RBPJ: variants seen among roughly 807,000 people sequenced by gnomAD.
The protein encoded by RBPJ is recombining binding protein suppressor of hairless.
In RBPJ, 9 loss-of-function variants were observed where a neutral mutation model predicts 67.8. That is an observed-to-expected ratio of 0.13 (90% CI 0.08 to 0.23). The LOEUF (loss-of-function observed/expected upper bound fraction) is 0.23, where lower values mean the gene tolerates loss of function less well. Among genes scored for constraint, RBPJ ranks in the 10% least tolerant of loss-of-function variants. The pLI, the probability that RBPJ is intolerant of heterozygous loss-of-function variation, is 1.00. For synonymous variants in RBPJ, 198 were observed against 203.3 expected, an observed-to-expected ratio of 0.97 and a Z score of 0.22; for missense variants, 305 against 595.6, an observed-to-expected ratio of 0.51 and a Z score of 5.08.
chr4:26,193,454 G>A lies in RBPJ; in HGVS notation c.-167+29840G>A, dbSNP rs140742169. On this transcript the variant is annotated intron_variant, in intron 1 of 4. Transcript: ENST00000512351. ...AGTTGACTTTGGTGGTTCTTTTTAT[G>A]AAAATTTCCCCTTTCTTCTTTGTTT... 7.3e-3 allele frequency among the ~76,000 whole-genome samples: 1,115 copies of A among 151,968 alleles called. 27 individuals carry two copies. Among genetic ancestry groups the A allele is most frequent in the Admixed American group, 0.046 (698 of 15,258 alleles).
intron 1 of RBPJ, among the ~76,000 whole-genome samples, chr4:26,322,698 T>C (rs1245143429): frequency 6.6e-6 from 1 of 151,608 alleles, no homozygotes; most frequent in Non-Finnish European, 1.5e-5. Flanking sequence ...TAATAGCCTG[T>C]AGTGAGATTA....
At chr4:26,358,555 A>C (rs1453418539) in intron 1 of RBPJ, among the ~76,000 whole-genome samples, 3 of 148,236 alleles carry the variant, frequency 2.0e-5, no homozygotes, top group African/African-American at 7.6e-5. Flanking sequence ...TAGGAGGATC[A>C]CTTGAGGCCA....
chr4:26,340,281 T>C (rs1273069578), intron 1 of RBPJ, among the ~76,000 whole-genome samples: 1 of 152,164 alleles, frequency 6.6e-6, no homozygotes, highest in Non-Finnish European at 1.5e-5. Context: ...CCTGTGGGTA[T>C]GTGGGAGAAC....
At chr4:26,416,718 C>T (rs1734627871) in intron 4 of RBPJ, among the ~76,000 whole-genome samples, 1 of 152,036 alleles carries the variant, frequency 6.6e-6, no homozygotes, top group Non-Finnish European at 1.5e-5. Flanking sequence ...TTAGTGTTTG[C>T]TATGTTGTAG....
At chr4:26,307,647 C>T (rs942035701) in intron 1 of RBPJ, among the ~76,000 whole-genome samples, 1 of 152,054 alleles carries the variant, frequency 6.6e-6, no homozygotes, top group Non-Finnish European at 1.5e-5. Context: ...TTCTCCCAGA[C>T]GATAGTTTAT....
At chr4:26,393,941 C>G (rs1731818435) in intron 2 of RBPJ, among the ~76,000 whole-genome samples, 1 of 151,716 alleles carries the variant, frequency 6.6e-6, no homozygotes, top group Non-Finnish European at 1.5e-5. Context: ...AGGTAGTGTT[C>G]TAAACATAGT....
intron 3 of RBPJ, among the ~76,000 whole-genome samples, chr4:26,413,784 G>T (rs1365200915): frequency 6.6e-6 from 1 of 152,192 alleles, no homozygotes; most frequent in Non-Finnish European, 1.5e-5. Flanking sequence ...GTGTCTGCTT[G>T]TGTGTGCACA....
chr4:26,278,236 GT>G (rs1250037935), intron 1 of RBPJ, among the ~76,000 whole-genome samples: 2 of 152,060 alleles, frequency 1.3e-5, no homozygotes, highest in Admixed American at 1.3e-4. Context: ...TTTCAAAAAA[GT>G]AAAGTCACGT....
At chr4:26,234,238 T>C (rs1057077705) in intron 1 of RBPJ, among the ~76,000 whole-genome samples, 1 of 152,228 alleles carries the variant, frequency 6.6e-6, no homozygotes, top group African/African-American at 2.4e-5. Flanking sequence ...TTTCCTTCAT[T>C]TCTTGCCTAA....
Position 26,430,031 on chromosome 4 carries a change from T to C in RBPJ, c.1022T>C (p.Val341Ala). ...CCTGTCCTTGCCCCAGTCACTCCTGTGCCTGTGGTAGAGAGCCTTCAGGTG... is the reference window on the plus strand; with the variant it reads ...CCTGTCCTTGCCCCAGTCACTCCTGCGCCTGTGGTAGAGAGCCTTCAGGTG... ...MGPVLAPVTP[V>A]PVVESLQLNG... The change falls in exon 9 of 11, where the codon GTG becomes GCG. Residue 341 changes from valine (V) to alanine (A), a missense_variant. Val to Ala is a moderately conservative substitution (Grantham distance 64, BLOSUM62 0). Transcript: ENST00000355476. This position sits in a 1 kb window ranked among gnomAD's most constrained non-coding sequence, Gnocchi z 4.1. 6.2e-7 allele frequency: 1 copy of C among 1,614,114 alleles called. No individual in the cohort carries two copies. Among genetic ancestry groups the C allele is most frequent in the Non-Finnish European group, 8.5e-7 (1 of 1,179,982 alleles).
chr4:26,131,046 A>T, the RBPJ span, among the ~76,000 whole-genome samples: 1 of 152,346 alleles, frequency 6.6e-6, no homozygotes, highest in South Asian at 2.1e-4. Context: ...TGATTCTCCC[A>T]TCTTTTTCTG....
chr4:26,321,477 C>T (rs1308428880), intron 1 of RBPJ: 2 of 152,192 alleles, frequency 1.3e-5, no homozygotes, highest in African/African-American at 2.4e-5. Context: ...CTCTCTACCC[C>T]CGGCCCTTTG....
chr4:26,304,972 T>A (rs927876867), intron 1 of RBPJ, among the ~76,000 whole-genome samples: 1 of 152,168 alleles, frequency 6.6e-6, no homozygotes, highest in African/African-American at 2.4e-5. Flanking sequence ...GTTTTATAGC[T>A]TTGGTTTTTA....
chr4:26,328,661 C>T (rs10006980), intron 1 of RBPJ, among the ~76,000 whole-genome samples: 95 of 152,242 alleles, frequency 6.2e-4, no homozygotes, highest in African/African-American at 2.2e-3. Flanking sequence ...AGTCTCATTG[C>T]TCTGTTGCTC....
At chr4:26,394,679 T>G (rs1254843625) in intron 2 of RBPJ, among the ~76,000 whole-genome samples, 1 of 152,148 alleles carries the variant, frequency 6.6e-6, no homozygotes, top group African/African-American at 2.4e-5. Context: ...AGGCCTGAGC[T>G]CTGAAGTGCT....
chr4:26,182,296 C>G (rs4692421), intron 1 of RBPJ, among the ~76,000 whole-genome samples: 6,757 of 151,898 alleles, frequency 0.044, 202 homozygotes, highest in Non-Finnish European at 0.069. Context: ...GAGCCGAGAT[C>G]GCGCCACTGC....
intron 1 of RBPJ, among the ~76,000 whole-genome samples, chr4:26,173,899 C>T (rs974100187): frequency 5.3e-5 from 8 of 152,112 alleles, no homozygotes; most frequent in African/African-American, 1.4e-4. Flanking sequence ...TAAGAGACAA[C>T]GTGATAAGCG....
intron 2 of RBPJ, among the ~76,000 whole-genome samples, chr4:26,399,824 G>A (rs1311301524): frequency 6.6e-6 from 1 of 151,930 alleles, no homozygotes; most frequent in Non-Finnish European, 1.5e-5. Context: ...GACTATAGGC[G>A]CGTGCCACCA....
chr4:26,182,792 C>T (rs7689202), intron 1 of RBPJ, among the ~76,000 whole-genome samples: 39 of 152,160 alleles, frequency 2.6e-4, no homozygotes, highest in African/African-American at 7.5e-4. Context: ...AGCCACCACC[C>T]GGCTTACTTT....
Sources: gnomAD v4.1 joint callset for allele counts (sites outside exome capture counted in the v4.1 genomes callset) on GRCh38, gnomAD v4.1.1 for gene constraint, Gnocchi (gnomAD v3.1) non-coding constraint, MANE v1.5 for transcripts, NCBI Gene and HGNC (gene_info 2026-07-23, HGNC 2026-07-21) for gene names.